The following ARHGAP12 variants were observed in gnomAD, a reference collection of about 807,000 sequenced individuals.
ARHGAP12 encodes Rho GTPase activating protein 12.
A neutral mutation model predicts 108.6 loss-of-function variants in ARHGAP12; 64 were observed. The ratio of observed to expected loss-of-function variants is 0.59; its 90% CI spans 0.48 to 0.73. ARHGAP12 has a LOEUF of 0.73. Ranked by LOEUF, ARHGAP12 falls within the 30% of genes least tolerant of loss-of-function variation. ARHGAP12 has a pLI of 0.00. For synonymous variants in ARHGAP12, 312 were observed against 337.2 expected, an observed-to-expected ratio of 0.93 and a Z score of 0.82; for missense variants, 940 against 1,005.9, an observed-to-expected ratio of 0.93 and a Z score of 0.89.
chr10:31,823,391 C>T (rs761894452), intron 11 of ARHGAP12, among the ~76,000 whole-genome samples: 2 of 151,664 alleles, frequency 1.3e-5, no homozygotes, highest in Admixed American at 1.3e-4. Context: ...TGAGACAGCA[C>T]CAATGTAAAA....
At chr10:31,842,895 T>C (rs1354730740) in intron 7 of ARHGAP12, among the ~76,000 whole-genome samples, 3 of 152,134 alleles carry the variant, frequency 2.0e-5, no homozygotes, top group Non-Finnish European at 4.4e-5. Context: ...ATTCTAATGT[T>C]TGCATTAAAA....
At chr10:31,841,330 T>C (rs1285762232) in intron 7 of ARHGAP12, among the ~76,000 whole-genome samples, 1 of 152,168 alleles carries the variant, frequency 6.6e-6, no homozygotes, top group Non-Finnish European at 1.5e-5. Flanking sequence ...TTAGGACCTA[T>C]GTCATCACAA....
At chr10:31,916,387 A>C (rs1045849322) in intron 1 of ARHGAP12, among the ~76,000 whole-genome samples, 1 of 151,968 alleles carries the variant, frequency 6.6e-6, no homozygotes, top group Admixed American at 6.6e-5. Flanking sequence ...CTCTGCCCCC[A>C]AGTCAGATTC....
chr10:31,882,786 C>A (rs1229114812), intron 3 of ARHGAP12, among the ~76,000 whole-genome samples: 4 of 147,716 alleles, frequency 2.7e-5, no homozygotes, highest in African/African-American at 1.0e-4. Flanking sequence ...GCACTCCAGC[C>A]TGGGAAACAG....
At chr10:31,835,526 CTA>C (rs1835985685) in intron 9 of ARHGAP12, among the ~76,000 whole-genome samples, 1 of 152,148 alleles carries the variant, frequency 6.6e-6, no homozygotes, top group African/African-American at 2.4e-5. Flanking sequence ...TCAAATTCTA[CTA>C]GGTAATCTGG....
intron 13 of ARHGAP12, 42 bp from the exon 14 acceptor site, chr10:31,814,403 T>C (rs1056002281): frequency 1.3e-5 from 19 of 1,451,518 alleles, no homozygotes; most frequent in Non-Finnish European, 1.8e-5. Flanking sequence ...ACACTTCTAG[T>C]ATTACTATAG....
intron 14 of ARHGAP12, among the ~76,000 whole-genome samples, chr10:31,813,174 G>A (rs918836114): frequency 4.0e-5 from 6 of 151,678 alleles, no homozygotes; most frequent in African/African-American, 1.5e-4. Flanking sequence ...AGTTTTAGAA[G>A]GTAAAATGAC....
At chr10:31,916,995 T>C (rs1356650980) in intron 1 of ARHGAP12, among the ~76,000 whole-genome samples, 1 of 152,230 alleles carries the variant, frequency 6.6e-6, no homozygotes, top group Non-Finnish European at 1.5e-5. Flanking sequence ...AATGCTAATA[T>C]TGTGAACTAT....
chr10:31,839,464 A>G (rs1836166414), intron 8 of ARHGAP12, 145 bp from the exon 9 acceptor site: 2 of 1,086,630 alleles, frequency 1.8e-6, no homozygotes, highest in East Asian at 2.7e-5. Flanking sequence ...CAAAAGGGGG[A>G]CTTTTAAATC....
At chr10:31,894,643 G>T (rs1235609498) in intron 3 of ARHGAP12, among the ~76,000 whole-genome samples, 2 of 152,190 alleles carry the variant, frequency 1.3e-5, no homozygotes, top group Non-Finnish European at 2.9e-5. Flanking sequence ...TGGATAGGAA[G>T]AATCAATATC....
intron 3 of ARHGAP12, among the ~76,000 whole-genome samples, chr10:31,885,589 C>A (rs373978267): frequency 6.6e-6 from 1 of 152,174 alleles, no homozygotes; most frequent in East Asian, 1.9e-4. Flanking sequence ...GAGGCTGAGG[C>A]GGGTGGATCA....
intron 6 of ARHGAP12, among the ~76,000 whole-genome samples, chr10:31,846,230 A>C (rs1405683240): frequency 2.0e-5 from 3 of 152,186 alleles, no homozygotes. Context: ...CTACTTCAGG[A>C]ATGTTATAAT....
chr10:31,887,794 A>T (rs1426827832), intron 3 of ARHGAP12, among the ~76,000 whole-genome samples: 2 of 151,772 alleles, frequency 1.3e-5, no homozygotes, highest in East Asian at 3.9e-4. Context: ...AGTAGCTGGG[A>T]CTACAGGTGC....
At chr10:31,855,830 C>T (rs758622970) in intron 4 of ARHGAP12, among the ~76,000 whole-genome samples, 13 of 152,126 alleles carry the variant, frequency 8.5e-5, no homozygotes, top group Non-Finnish European at 1.9e-4. Flanking sequence ...TGATGTTCTA[C>T]CATGAAAAGT....
chr10:31,807,575 C>A lies in ARHGAP12; in HGVS notation c.*83G>T. On this transcript the variant is annotated 3_prime_UTR_variant, in exon 20 of 20. Transcript: ENST00000344936. The stretch of plus-strand genomic sequence containing the variant: ...CAAAATCAAAGAGTCACTGCTTGGT[C>A]CAAAAAATAAAATACATTGTGTATA... 7.1e-7 allele frequency: 1 copy of A among 1,412,422 alleles called. No individual in the cohort carries two copies. The highest frequency in any genetic ancestry group is 1.4e-5 in the South Asian group (1 of 70,280). The allele number at this position is 1,412,422 out of a possible 1,614,324, so 87.5% of individuals were successfully genotyped here.
chr10:31,908,463 A>C lies in ARHGAP12; in HGVS notation c.393T>G (p.Asp131Glu). The C allele has an allele frequency of 6.2e-7, 1 of 1,614,244 alleles. No homozygotes were observed. The highest frequency in any genetic ancestry group is 8.5e-7 in the Non-Finnish European group (1 of 1,180,046). Residue 131 changes from aspartate (D) to glutamate (E), a missense_variant, in exon 3 of 20, where the codon GAT becomes GAG. Transcript: ENST00000344936. Reference sequence around the variant, plus strand: ...AACTGGGTCCAAAATTCTGATTGGCATCACGAATAAGACCTGTTCCTTGAA... The same window carrying C: ...AACTGGGTCCAAAATTCTGATTGGCCTCACGAATAAGACCTGTTCCTTGAA... Reference protein sequence around the residue: ...SSVQGTGLIRDANQNFGPSYN... With the variant: ...SSVQGTGLIREANQNFGPSYN...
At chr10:31,896,885 C>T (rs1838721854) in intron 3 of ARHGAP12, among the ~76,000 whole-genome samples, 1 of 152,286 alleles carries the variant, frequency 6.6e-6, no homozygotes, top group Middle Eastern at 3.4e-3. Context: ...CAAACCACTA[C>T]CCCAAAATTT....
At chr10:31,869,560 A>G (rs1837462888) in intron 3 of ARHGAP12, among the ~76,000 whole-genome samples, 1 of 151,882 alleles carries the variant, frequency 6.6e-6, no homozygotes, top group African/African-American at 2.4e-5. Flanking sequence ...CAAACAAACA[A>G]CAAAACACCA....
chr10:31,842,011 C>G (rs868802815), intron 7 of ARHGAP12, among the ~76,000 whole-genome samples: 33 of 152,012 alleles, frequency 2.2e-4, no homozygotes, highest in African/African-American at 7.2e-4. Context: ...TCTTGCAACT[C>G]TGGGACAATG....
Sources: gnomAD v4.1 joint callset for allele counts (sites outside exome capture counted in the v4.1 genomes callset) on GRCh38, gnomAD v4.1.1 for gene constraint, MANE v1.5 for transcripts, NCBI Gene and HGNC (gene_info 2026-07-23, HGNC 2026-07-21) for gene names.